The following STXBP6 variants were observed in gnomAD, a reference collection of about 807,000 sequenced individuals.
STXBP6 encodes the protein syntaxin binding protein 6, also known as syntaxin-binding protein 6.
In STXBP6, 21 loss-of-function variants were observed where a neutral mutation model predicts 26.9. That is an observed-to-expected ratio of 0.78 (90% CI 0.55 to 1.12). The LOEUF (loss-of-function observed/expected upper bound fraction) is 1.12, where lower values mean the gene tolerates loss of function less well. STXBP6 is among the 50% of genes most tolerant of loss of function. The pLI, the probability that STXBP6 is intolerant of heterozygous loss-of-function variation, is 0.00. For synonymous variants in STXBP6, 97 were observed against 92.6 expected (o/e 1.05, Z -0.27); for missense variants, 232 against 257.9 (o/e 0.90, Z 0.69).
At chr14:24,967,710 T>C (rs1330810762) in intron 2 of STXBP6, among the ~76,000 whole-genome samples, 1 of 152,198 alleles carries the variant, frequency 6.6e-6, no homozygotes, top group African/African-American at 2.4e-5. Context: ...ACAAAAGGCT[T>C]ACCCTGATAT....
At chr14:25,038,227 C>G (rs991229780) in intron 1 of STXBP6, among the ~76,000 whole-genome samples, 8 of 151,080 alleles carry the variant, frequency 5.3e-5, no homozygotes, top group African/African-American at 2.0e-4. Flanking sequence ...ACTTATCAAA[C>G]TAAGTGTTGG....
rs8020500 is a variant in STXBP6 at position 24,925,816 on chromosome 14, C to T, written c.154+48849G>A. Among the ~76,000 whole-genome samples, 1,243 of 152,178 alleles carry T rather than the reference C, an allele frequency of 8.2e-3. 17 individuals carry two copies. The highest frequency in any genetic ancestry group is 0.028 in the African/African-American group (1,166 of 41,512). On this transcript the variant is annotated intron_variant, in intron 2 of 5. Transcript: ENST00000323944. ...AATAAATTTTATAATTTCTAACTCC[C>T]CCCTACACAAAAATGGGAAAGGGAG...
chr14:24,989,933 T>C (rs539200302), intron 1 of STXBP6, among the ~76,000 whole-genome samples: 2 of 152,290 alleles, frequency 1.3e-5, no homozygotes, highest in African/African-American at 4.8e-5. Flanking sequence ...AGTCCATGGG[T>C]TGCAGAATGG....
chr14:25,036,281 T>C (rs1267063774), intron 1 of STXBP6, among the ~76,000 whole-genome samples: 1 of 148,542 alleles, frequency 6.7e-6, no homozygotes, highest in Non-Finnish European at 1.5e-5. Context: ...CCTCAGCTTA[T>C]AGATAATATT....
intron 2 of STXBP6, among the ~76,000 whole-genome samples, chr14:24,929,807 C>T (rs762060872): frequency 5.6e-4 from 85 of 152,318 alleles, no homozygotes; most frequent in Middle Eastern, 3.4e-3. Context: ...GTCAAGAGAA[C>T]GTGTTCCACT....
intron 2 of STXBP6, among the ~76,000 whole-genome samples, chr14:24,942,565 C>G (rs1566496469): frequency 6.6e-6 from 1 of 152,212 alleles, no homozygotes; most frequent in Non-Finnish European, 1.5e-5. Context: ...TTCTCTCACC[C>G]TGCTTCCAAG....
rs556655068 is a variant in STXBP6 at position 25,008,065 on chromosome 14, G to A, written c.-32-33215C>T. ...CTGGCACTGGCACTCATGGCATGAA[G>A]CCAGAAATGAGGATAGGAAATTCCT... On this transcript the variant is annotated intron_variant, in intron 1 of 5. Transcript: ENST00000323944. Among the ~76,000 whole-genome samples, 24 of 152,338 alleles carry A rather than the reference G, an allele frequency of 1.6e-4. No individual in the cohort carries two copies. In the South Asian group the frequency reaches 1.9e-3, roughly 12 times the overall value.
intron 1 of STXBP6, among the ~76,000 whole-genome samples, chr14:25,006,045 T>C (rs2074889609): frequency 6.6e-6 from 1 of 152,228 alleles, no homozygotes; most frequent in Non-Finnish European, 1.5e-5. Flanking sequence ...CTCAGGATTA[T>C]GATCCAAACT....
chr14:24,887,889 GA>G (rs1156283709), intron 2 of STXBP6, among the ~76,000 whole-genome samples: 2 of 152,300 alleles, frequency 1.3e-5, no homozygotes, highest in East Asian at 3.9e-4. Flanking sequence ...GTGAGGGAAG[GA>G]AATTGCTGCA....
chr14:24,996,209 T>C (rs2074597819), intron 1 of STXBP6, among the ~76,000 whole-genome samples: 1 of 152,248 alleles, frequency 6.6e-6, no homozygotes, highest in African/African-American at 2.4e-5. Flanking sequence ...TTAAATGTAC[T>C]TATGAATTGA....
At chr14:24,997,544 T>C (rs2074636349) in intron 1 of STXBP6, among the ~76,000 whole-genome samples, 1 of 152,238 alleles carries the variant, frequency 6.6e-6, no homozygotes, top group African/African-American at 2.4e-5. Context: ...AGCCATAAAC[T>C]CCTAGTGCTC....
chr14:24,946,498 G>T (rs1378484143), intron 2 of STXBP6, among the ~76,000 whole-genome samples: 2 of 152,202 alleles, frequency 1.3e-5, no homozygotes, highest in Admixed American at 6.5e-5. Context: ...TGAAGGCAGA[G>T]AAGGATTGAC....
At chr14:24,856,451 T>C (rs1359087777) in intron 3 of STXBP6, among the ~76,000 whole-genome samples, 1 of 152,128 alleles carries the variant, frequency 6.6e-6, no homozygotes, top group Admixed American at 6.6e-5. Flanking sequence ...GCCCCTAAAC[T>C]TTGGTAGGAA....
chr14:24,884,257 T>C (rs2070486596), intron 2 of STXBP6, among the ~76,000 whole-genome samples: 2 of 152,238 alleles, frequency 1.3e-5, no homozygotes, highest in Admixed American at 1.3e-4. Flanking sequence ...AATTTCCTCT[T>C]GTCAAAACAC....
intron 2 of STXBP6, among the ~76,000 whole-genome samples, chr14:24,898,179 A>G (rs913080596): frequency 1.3e-5 from 2 of 152,218 alleles, no homozygotes; most frequent in South Asian, 2.1e-4. Flanking sequence ...TTTCACAACT[A>G]ACACTGACCG....
At chr14:24,965,389 T>C (rs1466147351) in intron 2 of STXBP6, among the ~76,000 whole-genome samples, 2 of 151,424 alleles carry the variant, frequency 1.3e-5, no homozygotes, top group African/African-American at 4.9e-5. Flanking sequence ...AGGCAGACTT[T>C]ACGATTAGAT....
intron 2 of STXBP6, among the ~76,000 whole-genome samples, chr14:24,958,689 A>G (rs371485662): frequency 7.9e-5 from 12 of 152,220 alleles, no homozygotes; most frequent in African/African-American, 1.7e-4. Context: ...TAGTAAGTCA[A>G]TTTAGGAAAA....
intron 1 of STXBP6, among the ~76,000 whole-genome samples, chr14:24,996,039 G>A (rs770858869): frequency 8.6e-5 from 13 of 151,904 alleles, no homozygotes; most frequent in Non-Finnish European, 1.9e-4. Context: ...ATTGTAGAGG[G>A]GATTCCATAT....
intron 2 of STXBP6, among the ~76,000 whole-genome samples, chr14:24,890,926 G>A (rs2070764193): frequency 6.6e-6 from 1 of 152,154 alleles, no homozygotes; most frequent in Non-Finnish European, 1.5e-5. Flanking sequence ...TAACAATCAA[G>A]TATCAGGGTA....
Sources: gnomAD v4.1 joint callset for allele counts (sites outside exome capture counted in the v4.1 genomes callset) on GRCh38, gnomAD v4.1.1 for gene constraint, MANE v1.5 for transcripts, NCBI Gene and HGNC (gene_info 2026-07-23, HGNC 2026-07-21) for gene names.